Variants in MCU observed in about 807,000 individuals in gnomAD.
MCU encodes calcium uniporter protein, mitochondrial.
In MCU, 12 loss-of-function variants were observed where a neutral mutation model predicts 45.2. The observed-to-expected ratio is 0.27, with a 90% confidence interval of 0.17 to 0.43. The LOEUF (loss-of-function observed/expected upper bound fraction) is 0.43. Ranked by LOEUF, MCU falls within the 20% of genes least tolerant of loss-of-function variation. The probability of loss-of-function intolerance (pLI) is 1.00; values close to 1 mark genes in which losing one functional copy is unlikely to be tolerated. For missense variants in MCU, 324 were observed against 436.7 expected, an observed-to-expected ratio of 0.74 and a Z score of 2.30; for synonymous variants, 160 against 165.1, an observed-to-expected ratio of 0.97 and a Z score of 0.24.
At chr10:72,761,274 G>A in intron 1 of MCU, among the ~76,000 whole-genome samples, 1 of 152,172 alleles carries the variant, frequency 6.6e-6, no homozygotes, top group East Asian at 1.9e-4. Flanking sequence ...AAAGGTTTGA[G>A]TTGTATGTGG....
At chr10:72,868,627 C>A in intron 4 of MCU, 76 bp from the exon 5 acceptor site, 1 of 1,321,260 alleles carries the variant, frequency 7.6e-7, no homozygotes, top group Non-Finnish European at 1.1e-6. Flanking sequence ...ATGGATGAAT[C>A]TGCCTCATCT....
At chr10:72,856,900 T>A (rs1435366422) in intron 2 of MCU, among the ~76,000 whole-genome samples, 1 of 135,594 alleles carries the variant, frequency 7.4e-6, no homozygotes, top group Non-Finnish European at 1.5e-5. Flanking sequence ...GCTGTGATCA[T>A]GCCGCTGCAC....
intron 1 of MCU, among the ~76,000 whole-genome samples, chr10:72,754,933 A>G (rs1223906066): frequency 6.6e-6 from 1 of 152,224 alleles, no homozygotes; most frequent in Non-Finnish European, 1.5e-5. Flanking sequence ...GCACTTCTAC[A>G]GAGTTATAAC....
At chr10:72,864,415 A>G (rs1845423335) in intron 4 of MCU, among the ~76,000 whole-genome samples, 1 of 152,206 alleles carries the variant, frequency 6.6e-6, no homozygotes, top group East Asian at 1.9e-4. Flanking sequence ...CCGTAGACTG[A>G]GGTCTGCAGC....
Position 72,743,130 on chromosome 10 carries a change from T to C in MCU, c.150+50829T>C, listed in dbSNP as rs151095117. On this transcript the variant is annotated intron_variant, in intron 1 of 7. Coordinates refer to ENST00000373053, the MANE Select transcript of MCU (RefSeq NM_138357.3). ...TCGAGAAAAGTGAGGGGTTTTGGGC[T>C]GGGCGTGGTGGCTCACACCTGTAAT... 5.7e-3 allele frequency among the ~76,000 whole-genome samples: 865 copies of C among 151,966 alleles called. 11 individuals are homozygous for C. Among genetic ancestry groups the C allele is most frequent in the African/African-American group, 0.02 (813 of 41,460 alleles).
At chr10:72,881,602 T>C (rs1845702098) in intron 6 of MCU, among the ~76,000 whole-genome samples, 1 of 152,184 alleles carries the variant, frequency 6.6e-6, no homozygotes, top group South Asian at 2.1e-4. Context: ...TGGAAGGAGA[T>C]ACTTGCAGTA....
intron 2 of MCU, among the ~76,000 whole-genome samples, chr10:72,848,531 G>A (rs1845156888): frequency 6.6e-6 from 1 of 152,056 alleles, no homozygotes; most frequent in South Asian, 2.1e-4. Context: ...TCCAGTTATG[G>A]GGCAGAGCCT....
chr10:72,783,728 G>A (rs1009702030), intron 1 of MCU, among the ~76,000 whole-genome samples: 1 of 152,174 alleles, frequency 6.6e-6, no homozygotes, highest in Admixed American at 6.5e-5. Context: ...CAAGAAAAAC[G>A]CATAGAGTGG....
intron 1 of MCU, among the ~76,000 whole-genome samples, chr10:72,780,781 G>C (rs1843980745): frequency 6.6e-6 from 1 of 151,858 alleles, no homozygotes. Context: ...TTGCATCTCT[G>C]GTTTTCTCCA....
At chr10:72,745,308 A>G (rs1424087074) in intron 1 of MCU, among the ~76,000 whole-genome samples, 1 of 152,094 alleles carries the variant, frequency 6.6e-6, no homozygotes, top group Admixed American at 6.6e-5. Flanking sequence ...AGCTCACTGC[A>G]ACCTCTGCTT....
At chr10:72,792,874 CCTTT>C (rs1057439784) in intron 1 of MCU, among the ~76,000 whole-genome samples, 5 of 151,648 alleles carry the variant, frequency 3.3e-5, no homozygotes, top group African/African-American at 1.2e-4. Context: ...GATTACACTG[CCTTT>C]CTTTTTTTTT....
At chr10:72,819,092 A>G (rs533779505) in intron 1 of MCU, among the ~76,000 whole-genome samples, 4 of 152,320 alleles carry the variant, frequency 2.6e-5, no homozygotes, top group Non-Finnish European at 4.4e-5. Flanking sequence ...GAAATTTTCA[A>G]GGGAGAAGTC....
intron 1 of MCU, among the ~76,000 whole-genome samples, chr10:72,795,887 A>G (rs767564466): frequency 2.6e-5 from 4 of 151,814 alleles, no homozygotes; most frequent in Non-Finnish European, 5.9e-5. Context: ...AATCCCGGGT[A>G]CTCTGGAGGC....
chr10:72,796,971 TG>T (rs1321887765), intron 1 of MCU, among the ~76,000 whole-genome samples: 1 of 152,104 alleles, frequency 6.6e-6, no homozygotes. Context: ...AATTTATTGA[TG>T]TTTTCTTTGT....
intron 1 of MCU, among the ~76,000 whole-genome samples, chr10:72,773,696 G>C (rs1390221689): frequency 6.6e-6 from 1 of 152,022 alleles, no homozygotes; most frequent in Non-Finnish European, 1.5e-5. Context: ...ACTCTCAAAA[G>C]TTAAGAACAG....
intron 1 of MCU, among the ~76,000 whole-genome samples, chr10:72,754,029 T>C (rs928824095): frequency 2.0e-5 from 3 of 152,176 alleles, no homozygotes; most frequent in African/African-American, 4.8e-5. Flanking sequence ...GCAATTGTTA[T>C]ATGGTAAGTA....
intron 1 of MCU, among the ~76,000 whole-genome samples, chr10:72,795,877 A>C (rs1165997464): frequency 6.6e-6 from 1 of 152,080 alleles, no homozygotes; most frequent in Non-Finnish European, 1.5e-5. Flanking sequence ...GGGCGCCTGT[A>C]ATCCCGGGTA....
At chr10:72,838,014 G>A (rs1050314760) in intron 2 of MCU, among the ~76,000 whole-genome samples, 3 of 150,294 alleles carry the variant, frequency 2.0e-5, no homozygotes, top group Admixed American at 6.6e-5. Context: ...TCACTACCAC[G>A]CCTGGCTAAT....
intron 2 of MCU, among the ~76,000 whole-genome samples, chr10:72,846,868 G>A (rs1010340818): frequency 1.2e-4 from 19 of 152,108 alleles, no homozygotes; most frequent in Admixed American, 7.2e-4. Flanking sequence ...CAAATGGAGA[G>A]GAATAAAGCC....
Sources: allele counts gnomAD v4.1 joint callset (sites outside exome capture counted in the v4.1 genomes callset), GRCh38; gene constraint gnomAD v4.1.1; transcripts MANE v1.5; gene names NCBI Gene and HGNC (gene_info 2026-07-23, HGNC 2026-07-21).